GATM: variants seen among roughly 807,000 people sequenced by gnomAD.
The protein encoded by GATM is glycine amidinotransferase, mitochondrial.
In GATM, 23 loss-of-function variants were observed where a neutral mutation model predicts 54.2. The ratio of observed to expected loss-of-function variants is 0.42; its 90% CI spans 0.31 to 0.60. The LOEUF is 0.60. GATM is among the 20% of genes least tolerant of loss of function. The probability of loss-of-function intolerance (pLI) is 0.14; values close to 1 mark genes in which losing one functional copy is unlikely to be tolerated. For missense variants in GATM, 401 were observed against 544.9 expected (o/e 0.74, Z 2.63); for synonymous variants, 168 against 183.1 (o/e 0.92, Z 0.67).
intron 3 of GATM, among the ~76,000 whole-genome samples, chr15:45,391,322 G>T (rs1305455471): frequency 6.6e-6 from 1 of 151,944 alleles, no homozygotes; most frequent in African/African-American, 2.4e-5. Context: ...TGAGGCAGGA[G>T]AATTACTTGA....
At chr15:45,371,458 T>A (rs564486610) in intron 2 of GATM, among the ~76,000 whole-genome samples, 46 of 152,306 alleles carry the variant, frequency 3.0e-4, no homozygotes, top group Non-Finnish European at 5.4e-4. Flanking sequence ...CCACCATAAA[T>A]CAGATAATTT....
chr15:45,378,248 G>A, intron 1 of GATM, 137 bp downstream of exon 1: 1 of 627,130 alleles, frequency 1.6e-6, no homozygotes. Flanking sequence ...ATACCAGAAG[G>A]GACACTCTCG....
chr15:45,399,640 A>T (rs1595491791), intron 1 of GATM: 1 of 152,904 alleles, frequency 6.5e-6, no homozygotes, highest in Middle Eastern at 3.4e-3. Context: ...CCTCGTTCGT[A>T]GTATTTTGTT....
chr15:45,378,732 T>C (rs992207909), upstream of GATM: 29 of 354,934 alleles, frequency 8.2e-5, no homozygotes, highest in Non-Finnish European at 1.4e-4. Flanking sequence ...GCGGGGCCAC[T>C]GACGGCTTCT....
rs910754475 is a variant in GATM at position 45,369,472 on chromosome 15, T to C, written c.338A>G (p.His113Arg). The change falls in exon 3 of 9, where the codon CAT becomes CGT. Residue 113 changes from histidine (H) to arginine (R), a missense_variant. This residue lies in a region of GATM where 321 missense variants were observed against 457.5 expected (regional missense o/e 0.70). Transcript: ENST00000396659. ...TTTCAAATGATCTTTGGGAAAATAA[T>C]GCCCTCCTTGCTTCTGGTAAAATGG... ...YWPFYQKQGG[H>R]YFPKDHLKKA... The C allele has an allele frequency of 3.7e-6, 6 of 1,614,070 alleles. No homozygotes were observed. The African/African-American group carries it at 8.0e-5, about 22-fold the overall frequency.
intron 2 of GATM, chr15:45,399,536 G>C (rs1889973626): frequency 6.5e-6 from 1 of 154,544 alleles, no homozygotes; most frequent in Non-Finnish European, 1.4e-5. Context: ...TCTAGACAGG[G>C]GGCCCTTACC....
At chr15:45,390,978 T>G (rs1181094217) in intron 3 of GATM, among the ~76,000 whole-genome samples, 1 of 152,192 alleles carries the variant, frequency 6.6e-6, no homozygotes, top group Non-Finnish European at 1.5e-5. Flanking sequence ...ATTAACTACT[T>G]GGATAACCTT....
chr15:45,373,694 C>T (rs905689966), intron 2 of GATM, among the ~76,000 whole-genome samples: 1 of 152,070 alleles, frequency 6.6e-6, no homozygotes, highest in Non-Finnish European at 1.5e-5. Context: ...CAGTTTACTA[C>T]ATTATTTTTT....
At chr15:45,386,915 AT>A (rs1889809531) in intron 3 of GATM, among the ~76,000 whole-genome samples, 1 of 152,218 alleles carries the variant, frequency 6.6e-6, no homozygotes, top group Admixed American at 6.5e-5. Flanking sequence ...ATTATTCAGA[AT>A]TTGCAAGCTT....
chr15:45,375,481 A>C (rs1336037615), intron 2 of GATM, among the ~76,000 whole-genome samples: 1 of 152,192 alleles, frequency 6.6e-6, no homozygotes, highest in Non-Finnish European at 1.5e-5. Context: ...CTACAGACTA[A>C]AGGGCACAGG....
At chr15:45,372,536 G>A (rs1335905586) in intron 2 of GATM, among the ~76,000 whole-genome samples, 1 of 152,146 alleles carries the variant, frequency 6.6e-6, no homozygotes, top group African/African-American at 2.4e-5. Flanking sequence ...GATACATGCT[G>A]GTACTACTCA....
rs1287157087 is a variant in GATM at position 45,376,980 on chromosome 15, G to C, written c.70-161C>G. ...TTAACAGTGTGTAGGTGGGTAGTGG[G>C]ATTACAGATAATTTTTTTAACCCTC... On this transcript the variant is annotated intron_variant, in intron 1 of 8. Transcript: ENST00000396659. 4 of 679,904 alleles carry C rather than the reference G, an allele frequency of 5.9e-6. No individual in the cohort carries two copies. In the African/African-American group the frequency reaches 7.2e-5, roughly 12 times the overall value. 42.1% of individuals were successfully genotyped at this position (679,904 alleles called of 1,614,324 possible).
At chr15:45,398,475 T>C (rs1390180183) in intron 2 of GATM, among the ~76,000 whole-genome samples, 1 of 152,186 alleles carries the variant, frequency 6.6e-6, no homozygotes, top group Non-Finnish European at 1.5e-5. Flanking sequence ...ATTCTATATC[T>C]AGAATTACTC....
Position 45,361,763 on chromosome 15 carries a change from C to A in GATM, c.*346G>T, listed in dbSNP as rs1889368401. The stretch of plus-strand genomic sequence containing the variant: ...GAAAAAAAATTAAGATTAGGACCAA[C>A]ATTTCAAGCTGCCTTTTGGAAAGAA... On this transcript the variant is annotated 3_prime_UTR_variant, in exon 9 of 9. Coordinates refer to ENST00000396659, the MANE Select transcript of GATM (RefSeq NM_001482.3). The A allele has an allele frequency of 8.1e-6, 4 of 492,096 alleles. No homozygotes were observed. Among genetic ancestry groups the A allele is most frequent in the Admixed American group, 7.4e-5 (2 of 26,942 alleles). 30.5% of individuals were successfully genotyped at this position (492,096 alleles called of 1,614,324 possible).
chr15:45,378,156 C>G (rs1416740613), intron 1 of GATM: 1 of 477,328 alleles, frequency 2.1e-6, no homozygotes, highest in African/African-American at 2.1e-5. Context: ...GGGCTGGAGC[C>G]GCAACGCAAG....
intron 6 of GATM, among the ~76,000 whole-genome samples, chr15:45,365,836 CTAAT>C (rs1159118221): frequency 6.6e-6 from 1 of 152,216 alleles, no homozygotes; most frequent in Non-Finnish European, 1.5e-5. Context: ...TGATCCCATA[CTAAT>C]TATTGTGTCA....
chr15:45,396,538 GCA>G (rs1405786000), intron 3 of GATM, among the ~76,000 whole-genome samples: 1 of 152,086 alleles, frequency 6.6e-6, no homozygotes, highest in African/African-American at 2.4e-5. Context: ...TAAGCTGGCA[GCA>G]CACAGTTTCC....
intron 1 of GATM, chr15:45,377,578 T>C (rs1889660909): frequency 7.0e-6 from 2 of 284,580 alleles, no homozygotes; most frequent in Non-Finnish European, 1.4e-5. Context: ...CCTCAACCCC[T>C]GAGCAAACCT....
In GATM at chr15:45,369,129, G is replaced by C. The variant is rs113190265; in HGVS notation, c.484+197C>G. 3.9e-5 allele frequency among the ~76,000 whole-genome samples: 6 copies of C among 152,318 alleles called. 1 individual carries two copies. The highest frequency in any genetic ancestry group is 1.4e-4 in the African/African-American group (6 of 41,574). ...TTGTCATTTCAAGGAGATTCCACGA[G>C]ATGGAATGGAGTTTAGAATGTATAC... On this transcript the variant is annotated intron_variant, in intron 3 of 8. Transcript: ENST00000396659.
Sources: gnomAD v4.1 joint callset for allele counts (sites outside exome capture counted in the v4.1 genomes callset) on GRCh38, gnomAD v4.1.1 for gene constraint, gnomAD v4.1.1 regional missense constraint, MANE v1.5 for transcripts, NCBI Gene and HGNC (gene_info 2026-07-23, HGNC 2026-07-21) for gene names.